The following SNAP25 variants were observed in gnomAD, a reference collection of about 807,000 sequenced individuals.
SNAP25 encodes synaptosomal-associated protein 25.
In SNAP25, 3 loss-of-function variants were observed where a neutral mutation model predicts 28.7. The ratio of observed to expected loss-of-function variants is 0.10; its 90% CI spans 0.05 to 0.27. The LOEUF is 0.27. Among genes scored for constraint, SNAP25 ranks in the 10% least tolerant of loss-of-function variants. The pLI is 1.00. For missense variants in SNAP25, 117 were observed against 278.7 expected, an observed-to-expected ratio of 0.42 and a Z score of 4.13; for synonymous variants, 61 against 88.1, an observed-to-expected ratio of 0.69 and a Z score of 1.72.
intron 1 of SNAP25, among the ~76,000 whole-genome samples, chr20:10,240,981 C>T (rs1185701262): frequency 6.6e-6 from 1 of 152,166 alleles, no homozygotes; most frequent in African/African-American, 2.4e-5. Context: ...GGAGAAAAGC[C>T]TCTGTGAAGC....
At chr20:10,301,435 A>C (rs1013439497) in intron 7 of SNAP25, among the ~76,000 whole-genome samples, 1 of 152,164 alleles carries the variant, frequency 6.6e-6, no homozygotes, top group Non-Finnish European at 1.5e-5. Context: ...CAAAATCCAC[A>C]CATGATTTAA....
chr20:10,242,395 A>C (rs2063050690), intron 1 of SNAP25, among the ~76,000 whole-genome samples: 1 of 152,178 alleles, frequency 6.6e-6, no homozygotes, highest in African/African-American at 2.4e-5. Flanking sequence ...TGGAGGTGTT[A>C]GAAACTCCCA....
At chr20:10,230,310 A>C (rs1432920506) in intron 1 of SNAP25, among the ~76,000 whole-genome samples, 1 of 152,170 alleles carries the variant, frequency 6.6e-6, no homozygotes, top group East Asian at 1.9e-4. Context: ...CTTCCCAAAG[A>C]ACGGAGAGTC....
intron 3 of SNAP25, among the ~76,000 whole-genome samples, chr20:10,280,699 A>G (rs902963218): frequency 7.2e-5 from 11 of 152,264 alleles, no homozygotes; most frequent in Admixed American, 3.9e-4. Context: ...AGCCCAGGAA[A>G]AGCCCCACAG....
chr20:10,254,440 CATTCCCTCAACAA>C (rs2063284828), intron 1 of SNAP25, among the ~76,000 whole-genome samples: 1 of 152,206 alleles, frequency 6.6e-6, no homozygotes, highest in African/African-American at 2.4e-5. Context: ...CCCCCCAGAG[CATTCCCTCAACAA>C]ATTCCCTTTA....
At chr20:10,280,693 C>A (rs1334482813) in intron 3 of SNAP25, among the ~76,000 whole-genome samples, 1 of 152,174 alleles carries the variant, frequency 6.6e-6, no homozygotes, top group Admixed American at 6.5e-5. Flanking sequence ...AAATTAAGCC[C>A]AGGAAAAGCC....
At chr20:10,294,791 GAAA>G (rs34820075) in intron 5 of SNAP25, among the ~76,000 whole-genome samples, 26 of 121,946 alleles carry the variant, frequency 2.1e-4, no homozygotes, top group African/African-American at 7.6e-4. Context: ...TAATTCATCA[GAAA>G]AAAAAAAAAA....
chr20:10,257,539 C>G (rs1481459957), intron 1 of SNAP25, among the ~76,000 whole-genome samples: 1 of 152,152 alleles, frequency 6.6e-6, no homozygotes, highest in Non-Finnish European at 1.5e-5. Context: ...ATGGAGAAAC[C>G]CCGTCTCTAC....
At chr20:10,236,496 AG>A (rs1395685116) in intron 1 of SNAP25, among the ~76,000 whole-genome samples, 1 of 152,136 alleles carries the variant, frequency 6.6e-6, no homozygotes, top group East Asian at 1.9e-4. Flanking sequence ...TTGCATTTTA[AG>A]TTTTTTCCCT....
chr20:10,241,245 A>G (rs2063026642), intron 1 of SNAP25, among the ~76,000 whole-genome samples: 1 of 152,094 alleles, frequency 6.6e-6, no homozygotes, highest in Admixed American at 6.5e-5. Context: ...TGTGATTCAC[A>G]GGCAACCTAG....
At chr20:10,226,651 C>T (rs2062739030) in intron 1 of SNAP25, among the ~76,000 whole-genome samples, 1 of 152,046 alleles carries the variant, frequency 6.6e-6, no homozygotes, top group African/African-American at 2.4e-5. Context: ...CTATGGCTCT[C>T]TAATCAAAAT....
intron 1 of SNAP25, among the ~76,000 whole-genome samples, chr20:10,273,294 AC>A (rs1302223646): frequency 6.6e-6 from 1 of 152,220 alleles, no homozygotes; most frequent in African/African-American, 2.4e-5. Flanking sequence ...AGAAAGACAA[AC>A]AAAAATATGT....
intron 1 of SNAP25, among the ~76,000 whole-genome samples, chr20:10,263,007 C>CTTTTTT (rs1568598968): frequency 1.3e-5 from 1 of 77,908 alleles, no homozygotes; most frequent in Non-Finnish European, 2.7e-5. Flanking sequence ...CCCTGGGGTG[C>CTTTTTT]TCTTTTTTTT....
chr20:10,297,115 G>A, intron 6 of SNAP25, 65 bp downstream of exon 6: 1 of 1,455,590 alleles, frequency 6.9e-7, no homozygotes, highest in Non-Finnish European at 9.1e-7. Flanking sequence ...CTCCAAAACT[G>A]AGTGGTTTTC....
chr20:10,234,277 T>A (rs922674901), intron 1 of SNAP25, among the ~76,000 whole-genome samples: 2 of 152,104 alleles, frequency 1.3e-5, no homozygotes, highest in Non-Finnish European at 1.5e-5. Context: ...GACATAGAAA[T>A]TTGACTGCCC....
chr20:10,220,445 G>A (rs559568755), intron 1 of SNAP25, among the ~76,000 whole-genome samples: 1 of 152,316 alleles, frequency 6.6e-6, no homozygotes, highest in African/African-American at 2.4e-5. Context: ...GAGAATCCAA[G>A]TGTGTCCTTC....
At chr20:10,246,064 G>A (rs943920361) in intron 1 of SNAP25, among the ~76,000 whole-genome samples, 1 of 152,224 alleles carries the variant, frequency 6.6e-6, no homozygotes, top group Non-Finnish European at 1.5e-5. Flanking sequence ...TTCATTTTAT[G>A]CCTGAATATG....
intron 1 of SNAP25, among the ~76,000 whole-genome samples, chr20:10,265,428 CAG>C (rs1464234353): frequency 6.6e-6 from 1 of 152,208 alleles, no homozygotes; most frequent in Non-Finnish European, 1.5e-5. Context: ...GCACCATCCA[CAG>C]AGTCTCCAAT....
At chr20:10,220,934 G>GTATGTATATATA (rs1423471592) in intron 1 of SNAP25, among the ~76,000 whole-genome samples, 78 of 152,230 alleles carry the variant, frequency 5.1e-4, no homozygotes, top group African/African-American at 1.8e-3. Context: ...AGATGACCAT[G>GTATGTATATATA]TGTTTCCATG....
Sources: gnomAD v4.1 joint callset for allele counts (sites outside exome capture counted in the v4.1 genomes callset) on GRCh38, gnomAD v4.1.1 for gene constraint, MANE v1.5 for transcripts, NCBI Gene and HGNC (gene_info 2026-07-23, HGNC 2026-07-21) for gene names.